CCL2: variants seen among roughly 807,000 people sequenced by gnomAD.
The protein encoded by CCL2 is C-C motif chemokine 2.
CCL2 carries 2 observed loss-of-function variants against 6.7 expected under a neutral mutation model. The observed-to-expected ratio is 0.30, with a 90% confidence interval of 0.12 to 0.94. CCL2 has a LOEUF of 0.94. Ranked by LOEUF, CCL2 falls within the 40% of genes least tolerant of loss-of-function variation. The probability of loss-of-function intolerance (pLI) is 0.54; values close to 1 mark genes in which losing one functional copy is unlikely to be tolerated. For missense variants in CCL2, 89 were observed against 119.3 expected (o/e 0.75, Z 1.18); for synonymous variants, 43 against 45.2 (o/e 0.95, Z 0.19).
At chr17:34,255,670 G>T in intron 1 of CCL2, 1 of 486,404 alleles carries the variant, frequency 2.1e-6, no homozygotes, top group Admixed American at 3.8e-5. Context: ...AACACACTCA[G>T]CGCAGTTACT....
chr17:34,255,448 T>A, intron 1 of CCL2, 23 bp downstream of exon 1: 1 of 1,584,238 alleles, frequency 6.3e-7, no homozygotes, highest in Non-Finnish European at 8.7e-7. Flanking sequence ...CTTCTTCTCC[T>A]TGAACCACAT....
chr17:34,255,490 A>C (rs968658710), intron 1 of CCL2, 65 bp downstream of exon 1: 87 of 1,374,084 alleles, frequency 6.3e-5, no homozygotes, highest in Non-Finnish European at 9.0e-5. Context: ...TGGACCATCC[A>C]AGCAGACGTG....
In CCL2 at chr17:34,255,347, A is replaced by G. The variant is rs749900916; in HGVS notation, c.-3A>G. 8.7e-6 allele frequency: 14 copies of G among 1,613,704 alleles called. No homozygotes were observed. In the South Asian group the frequency reaches 1.4e-4, roughly 16 times the overall value. ...AACTGAAGCTCGCACTCTCGCCTCC[A>G]GCATGAAAGTCTCTGCCGCCCTTCT... On this transcript the variant is annotated 5_prime_UTR_variant, in exon 1 of 3. Transcript: ENST00000225831.
intron 1 of CCL2, 73 bp from the exon 2 acceptor site, chr17:34,256,149 C>G: frequency 9.6e-7 from 1 of 1,041,758 alleles, no homozygotes; most frequent in Admixed American, 1.9e-5. Context: ...TTCCTCATGA[C>G]TCTTTTCTGC....
rs945801490 is a variant in CCL2 at position 34,256,442 on chromosome 17, T to A, written c.194+103T>A. ...TCAGAGAGTGCACTATTTAACTTAATGTACAAAGGTTCCCAATGGGAAAAC... is the reference window on the plus strand; with the variant it reads ...TCAGAGAGTGCACTATTTAACTTAAAGTACAAAGGTTCCCAATGGGAAAAC... On this transcript the variant is annotated intron_variant, in intron 2 of 2. Coordinates refer to ENST00000225831, the MANE Select transcript of CCL2 (RefSeq NM_002982.4). 25 of 797,746 alleles carry A rather than the reference T, an allele frequency of 3.1e-5. No individual in the cohort carries two copies. The African/African-American group carries it at 4.1e-4, about 13-fold the overall frequency. The allele number at this position is 797,746 out of a possible 1,614,324, so 49.4% of individuals were successfully genotyped here. A position where few individuals can be genotyped will look rare whatever the true frequency, so the allele number is the denominator to read the frequency against.
Position 34,256,241 on chromosome 17 carries a change from C to T in CCL2, c.96C>T (p.Val32=). 1 of 1,611,484 alleles carries T rather than the reference C, an allele frequency of 6.2e-7. No homozygotes were observed. Among genetic ancestry groups the T allele is most frequent in the Non-Finnish European group, 8.5e-7 (1 of 1,177,818 alleles). ...TTCCAGATGCAATCAATGCCCCAGT[C>T]ACCTGCTGTTATAACTTCACCAATA... ...LAQPDAINAP[V]TCCYNFTNRK... The change falls in exon 2 of 3, where the codon GTC becomes GTT. Residue 32 remains valine (V), a synonymous_variant. Transcript: ENST00000225831.
chr17:34,255,752 A>T, intron 1 of CCL2: 1 of 320,164 alleles, frequency 3.1e-6, no homozygotes, highest in Non-Finnish European at 5.8e-6. Context: ...GGCTGTTTCC[A>T]GACACGCTGG....
chr17:34,256,570 G>T (rs1229805320), intron 2 of CCL2, 152 bp from the exon 3 acceptor site: 2 of 623,458 alleles, frequency 3.2e-6, no homozygotes, highest in Non-Finnish European at 5.8e-6. Flanking sequence ...GGCTCCACCT[G>T]GACACCTATA....
chr17:34,256,435 A>T (rs1907688312), intron 2 of CCL2, 96 bp downstream of exon 2: 1 of 838,302 alleles, frequency 1.2e-6, no homozygotes, highest in Admixed American at 2.1e-5. Context: ...TGCACTATTT[A>T]ACTTAATGTA....
Position 34,256,866 on chromosome 17 carries a change from T to G in CCL2, c.*39T>G. ...AACCCAAGAATCTGCAGCTAACTTATTTTCCCCTAGCTTTCCCCAGACACC... is the reference window on the plus strand; with the variant it reads ...AACCCAAGAATCTGCAGCTAACTTAGTTTCCCCTAGCTTTCCCCAGACACC... On this transcript the variant is annotated 3_prime_UTR_variant, in exon 3 of 3. Coordinates refer to ENST00000225831, the MANE Select transcript of CCL2 (RefSeq NM_002982.4). 2 of 1,337,882 alleles carry G rather than the reference T, an allele frequency of 1.5e-6. No individual in the cohort carries two copies. Among genetic ancestry groups the G allele is most frequent in the Non-Finnish European group, 2.1e-6 (2 of 933,870 alleles). The allele number at this position is 1,337,882 out of a possible 1,614,324, so 82.9% of individuals were successfully genotyped here.
chr17:34,255,490 AAGC>A, intron 1 of CCL2, 65 bp downstream of exon 1: 1 of 1,374,202 alleles, frequency 7.3e-7, no homozygotes, highest in South Asian at 1.2e-5. Context: ...TGGACCATCC[AAGC>A]AGACGTGGTA....
intron 2 of CCL2, 31 bp from the exon 3 acceptor site, chr17:34,256,691 C>A: frequency 6.7e-7 from 1 of 1,497,470 alleles, no homozygotes; most frequent in Non-Finnish European, 9.3e-7. Flanking sequence ...TGCAAAGGAA[C>A]TTCATCTAAC....
In CCL2 at chr17:34,257,101, A is replaced by C. The variant is rs1021657455; in HGVS notation, c.*274A>C. On this transcript the variant is annotated 3_prime_UTR_variant, in exon 3 of 3. Coordinates refer to ENST00000225831, the MANE Select transcript of CCL2 (RefSeq NM_002982.4). ...TTGAGGGTCTTTGCAAGAATCATTAATACAAAGAATTTTTTTTAACATTCC... is the reference window on the plus strand; with the variant it reads ...TTGAGGGTCTTTGCAAGAATCATTACTACAAAGAATTTTTTTTAACATTCC... 1.2e-5 allele frequency: 3 copies of C among 256,750 alleles called. No homozygotes were observed. Among genetic ancestry groups the C allele is most frequent in the Non-Finnish European group, 2.2e-5 (3 of 135,840 alleles). The allele number at this position is 256,750 out of a possible 1,614,324, so 15.9% of individuals were successfully genotyped here.
chr17:34,257,019 C>T lies in CCL2; in HGVS notation c.*192C>T. 2.3e-6 allele frequency: 1 copy of T among 440,350 alleles called. No individual in the cohort carries two copies. Among genetic ancestry groups the T allele is most frequent in the Non-Finnish European group, 4.1e-6 (1 of 244,354 alleles). 27.3% of individuals were successfully genotyped at this position (440,350 alleles called of 1,614,324 possible). A position where few individuals can be genotyped will look rare whatever the true frequency, so the allele number is the denominator to read the frequency against. On this transcript the variant is annotated 3_prime_UTR_variant, in exon 3 of 3. Coordinates refer to ENST00000225831, the MANE Select transcript of CCL2 (RefSeq NM_002982.4). ...TCATGGTACTAGTGTTTTTTAGATA[C>T]AGAGACTTGGGGAAATTGCTTTTCC...
chr17:34,256,685 A>G, intron 2 of CCL2, 37 bp from the exon 3 acceptor site: 1 of 1,465,168 alleles, frequency 6.8e-7, no homozygotes, highest in Non-Finnish European at 9.5e-7. Context: ...CAAAACTGCA[A>G]AGGAACTTCA....
rs750956211 is a variant in CCL2 at position 34,256,752 on chromosome 17, T to C, written c.225T>C (p.Cys75=). 6.2e-7 allele frequency: 1 copy of C among 1,613,864 alleles called. No individual in the cohort carries two copies. The highest frequency in any genetic ancestry group is 8.5e-7 in the Non-Finnish European group (1 of 1,179,842). ...AGACCATTGTGGCCAAGGAGATCTG[T>C]GCTGACCCCAAGCAGAAGTGGGTTC... ...IFKTIVAKEI[C]ADPKQKWVQD... is the part of the protein sequence containing the mutation. The change falls in exon 3 of 3, where the codon TGT becomes TGC. Residue 75 remains cysteine (C), a synonymous_variant. Transcript: ENST00000225831.
chr17:34,256,613 C>G (rs1907694357), intron 2 of CCL2, 109 bp from the exon 3 acceptor site: 3 of 746,274 alleles, frequency 4.0e-6, no homozygotes, highest in Non-Finnish European at 6.8e-6. Flanking sequence ...CTCCTTCCAC[C>G]TGCGTTCCTC....
rs1423693699 is a variant in CCL2, at chr17:34,256,320, T to G, written c.175T>G (p.Cys59Gly). 1 of 1,612,862 alleles carries G rather than the reference T, an allele frequency of 6.2e-7. No homozygotes were observed. Among genetic ancestry groups the G allele is most frequent in the Non-Finnish European group, 8.5e-7 (1 of 1,178,966 alleles). Reference protein sequence around the residue: ...ASYRRITSSKCPKEAVIFKTI... With the variant: ...ASYRRITSSKGPKEAVIFKTI... ...CTATAGAAGAATCACCAGCAGCAAG[T>G]GTCCCAAAGAAGCTGTGATGTGAGT... is the stretch of plus-strand genomic sequence containing the variant. Residue 59 changes from cysteine (C) to glycine (G), a missense_variant, in exon 2 of 3, where the codon TGT becomes GGT. Coordinates refer to ENST00000225831, the MANE Select transcript of CCL2 (RefSeq NM_002982.4).
intron 1 of CCL2, 28 bp downstream of exon 1, chr17:34,255,453 CCA>C: frequency 6.3e-7 from 1 of 1,576,490 alleles, no homozygotes; most frequent in Non-Finnish European, 8.7e-7. Context: ...TCTCCTTGAA[CCA>C]CATTGTCTTC....
Sources: allele counts gnomAD v4.1 joint callset, GRCh38; gene constraint gnomAD v4.1.1; transcripts MANE v1.5; gene names NCBI Gene and HGNC (gene_info 2026-07-23, HGNC 2026-07-21).